The following RCAN2 variants were observed in gnomAD, a reference collection of about 807,000 sequenced individuals.
RCAN2 encodes the protein calcipressin-2.
A neutral mutation model predicts 23.6 loss-of-function variants in RCAN2; 9 were observed. The observed-to-expected ratio is 0.38, with a 90% CI of 0.23 to 0.67. RCAN2 has a LOEUF of 0.67. Ranked by LOEUF, RCAN2 falls within the 30% of genes least tolerant of loss-of-function variation. RCAN2 has a pLI of 0.51. For missense variants in RCAN2, 273 were observed against 302.3 expected, an observed-to-expected ratio of 0.90 and a Z score of 0.72; for synonymous variants, 109 against 115.7, an observed-to-expected ratio of 0.94 and a Z score of 0.37.
chr6:46,399,242 T>G (rs1766179001), intron 2 of RCAN2, among the ~76,000 whole-genome samples: 1 of 152,042 alleles, frequency 6.6e-6, no homozygotes, highest in African/African-American at 2.4e-5. Flanking sequence ...CGCTGATCTT[T>G]CTCCTCCAAT....
chr6:46,302,494 G>A (rs943567691), intron 2 of RCAN2, among the ~76,000 whole-genome samples: 14 of 152,034 alleles, frequency 9.2e-5, no homozygotes, highest in Non-Finnish European at 2.1e-4. Context: ...TGCTGTGATT[G>A]CATGAGATAC....
chr6:46,271,564 C>T (rs1767525134), intron 2 of RCAN2, among the ~76,000 whole-genome samples: 1 of 152,186 alleles, frequency 6.6e-6, no homozygotes, highest in Admixed American at 6.5e-5. Flanking sequence ...GACAACAAAT[C>T]CACTGGTGAA....
chr6:46,342,464 A>T (rs747160532), intron 2 of RCAN2, among the ~76,000 whole-genome samples: 4 of 151,172 alleles, frequency 2.6e-5, no homozygotes, highest in Non-Finnish European at 4.4e-5. Flanking sequence ...AGGTGAGAGG[A>T]TCACTTGAAT....
chr6:46,235,843 G>A (rs922956081), intron 4 of RCAN2, among the ~76,000 whole-genome samples: 7 of 152,158 alleles, frequency 4.6e-5, no homozygotes, highest in Non-Finnish European at 1.0e-4. Flanking sequence ...CCCACGACAG[G>A]AACTAACTTC....
At chr6:46,376,715 CAAAA>C (rs35329945) in intron 2 of RCAN2, among the ~76,000 whole-genome samples, 2 of 149,932 alleles carry the variant, frequency 1.3e-5, no homozygotes, top group East Asian at 2.0e-4. Context: ...AACAAACAAA[CAAAA>C]AAAAAAAACA....
At chr6:46,479,314 A>C (rs1768794243) in intron 1 of RCAN2, among the ~76,000 whole-genome samples, 1 of 152,208 alleles carries the variant, frequency 6.6e-6, no homozygotes, top group South Asian at 2.1e-4. Flanking sequence ...TTTTACTGTA[A>C]TGATACTTAA....
intron 2 of RCAN2, among the ~76,000 whole-genome samples, chr6:46,439,957 G>A (rs1018559651): frequency 6.6e-6 from 1 of 152,308 alleles, no homozygotes; most frequent in East Asian, 1.9e-4. Context: ...CTGCACAATG[G>A]TAAGTTTTAA....
intron 3 of RCAN2, 76 bp from the exon 4 acceptor site, chr6:46,246,995 G>T: frequency 1.6e-6 from 2 of 1,288,834 alleles, no homozygotes; most frequent in Non-Finnish European, 2.1e-6. Context: ...TTAAAACATG[G>T]GTTTAGTTTC....
intron 2 of RCAN2, among the ~76,000 whole-genome samples, chr6:46,395,131 A>C (rs1423519041): frequency 6.6e-6 from 1 of 152,200 alleles, no homozygotes; most frequent in East Asian, 1.9e-4. Flanking sequence ...ATGCCTTGAC[A>C]TCAAGTAGGC....
At chr6:46,391,976 A>C (rs764137298) in intron 2 of RCAN2, among the ~76,000 whole-genome samples, 30 of 152,210 alleles carry the variant, frequency 2.0e-4, no homozygotes, top group Non-Finnish European at 4.0e-4. Context: ...CAAAATCAGG[A>C]TGAGCTGTAG....
chr6:46,269,058 T>C (rs991137591), intron 2 of RCAN2, among the ~76,000 whole-genome samples: 6 of 152,246 alleles, frequency 3.9e-5, no homozygotes, highest in Admixed American at 3.3e-4. Context: ...TGACTATTCC[T>C]ATAGAGCATT....
Position 46,282,374 on chromosome 6 carries a change from T to A in RCAN2, c.226-33478A>T, listed in dbSNP as rs182652567. Among the ~76,000 whole-genome samples, 356 of 146,900 alleles carry A rather than the reference T, an allele frequency of 2.4e-3. 4 individuals carry two copies. Among genetic ancestry groups the A allele is most frequent in the African/African-American group, 9.1e-3 (342 of 37,744 alleles). On this transcript the variant is annotated intron_variant, in intron 2 of 4. Transcript: ENST00000371374. The stretch of plus-strand genomic sequence containing the variant: ...TCCTGGCTAACACGGTGAAACCTCA[T>A]CTCTACTAAAAAAAAAAAACAAAAA...
rs996843517 is a variant in RCAN2 at position 46,244,004 on chromosome 6, T to C, written c.571+2744A>G. ...AGCGCCAGGGTTTGAAATCTGACGA[T>C]GTCACCAACCAGCTGTGTCACCTTG... On this transcript the variant is annotated intron_variant, in intron 4 of 4. Transcript: ENST00000371374. Among the ~76,000 whole-genome samples the C allele has an allele frequency of 5.3e-5, 8 of 152,214 alleles. No individual in the cohort carries two copies. The South Asian group carries it at 1.2e-3, about 24-fold the overall frequency.
chr6:46,270,276 T>C (rs969145882), intron 2 of RCAN2, among the ~76,000 whole-genome samples: 1 of 152,148 alleles, frequency 6.6e-6, no homozygotes, highest in Admixed American at 6.5e-5. Flanking sequence ...GCGCTGACTC[T>C]GAGGGCTGCA....
At chr6:46,399,299 TA>T (rs1766180682) in intron 2 of RCAN2, among the ~76,000 whole-genome samples, 1 of 151,936 alleles carries the variant, frequency 6.6e-6, no homozygotes, top group African/African-American at 2.4e-5. Context: ...ATTAGAAGGA[TA>T]AAAATATTTT....
chr6:46,456,724 G>T, intron 2 of RCAN2, 28 bp downstream of exon 2: 1 of 1,463,796 alleles, frequency 6.8e-7, no homozygotes, highest in Non-Finnish European at 9.4e-7. Flanking sequence ...ATCTCCCCAT[G>T]TTTTAGGAAC....
chr6:46,319,830 C>A (rs1763552409), intron 2 of RCAN2, among the ~76,000 whole-genome samples: 1 of 152,150 alleles, frequency 6.6e-6, no homozygotes, highest in African/African-American at 2.4e-5. Context: ...GAAATAGCAA[C>A]ATTTGTTTTG....
At chr6:46,232,009 G>C (rs979949975) in intron 4 of RCAN2, among the ~76,000 whole-genome samples, 1 of 152,206 alleles carries the variant, frequency 6.6e-6, no homozygotes, top group Non-Finnish European at 1.5e-5. Context: ...GAAATCATAG[G>C]CAGGGAGAAC....
chr6:46,430,631 G>C (rs1767169087), intron 2 of RCAN2, among the ~76,000 whole-genome samples: 1 of 152,170 alleles, frequency 6.6e-6, no homozygotes, highest in Admixed American at 6.5e-5. Flanking sequence ...TTTAAGATTT[G>C]CCTTCTCATC....
Sources: gnomAD v4.1 joint callset for allele counts (sites outside exome capture counted in the v4.1 genomes callset) on GRCh38, gnomAD v4.1.1 for gene constraint, MANE v1.5 for transcripts, NCBI Gene and HGNC (gene_info 2026-07-23, HGNC 2026-07-21) for gene names.